The following SS18L1 variants were observed in gnomAD, a reference collection of about 807,000 sequenced individuals.
SS18L1 encodes the protein calcium-responsive transactivator.
SS18L1 carries 32 observed loss-of-function variants against 70.3 expected under a neutral mutation model. That is an observed-to-expected ratio of 0.46 (90% CI 0.34 to 0.61). SS18L1 has a LOEUF of 0.61. Among genes scored for constraint, SS18L1 ranks in the 20% least tolerant of loss-of-function variants. SS18L1 has a pLI of 0.01. For missense variants in SS18L1, 430 were observed against 542.1 expected (o/e 0.79, Z 2.05); for synonymous variants, 237 against 229.7 (o/e 1.03, Z -0.29).
At chr20:62,163,866 A>C (rs2057378029) in intron 6 of SS18L1, among the ~76,000 whole-genome samples, 1 of 152,054 alleles carries the variant, frequency 6.6e-6, no homozygotes, top group Non-Finnish European at 1.5e-5. Context: ...AGTTGTCATT[A>C]AGAGTGTCAC....
At chr20:62,151,955 TCCCCCG>T (rs2057140209) in intron 1 of SS18L1, among the ~76,000 whole-genome samples, 2 of 139,890 alleles carry the variant, frequency 1.4e-5, no homozygotes, top group African/African-American at 2.8e-5. Flanking sequence ...AGAGCTGGCC[TCCCCCG>T]TTCCCCTCTT....
chr20:62,153,431 G>A (rs1456671974), intron 1 of SS18L1, among the ~76,000 whole-genome samples: 2 of 152,036 alleles, frequency 1.3e-5, no homozygotes, highest in Non-Finnish European at 2.9e-5. Flanking sequence ...CTTTGGAATG[G>A]GTTTAGGGCT....
In SS18L1 at chr20:62,182,366, G is replaced by T; in HGVS notation, c.*3158G>T. 1 of 206,422 alleles carries T rather than the reference G, an allele frequency of 4.8e-6. No homozygotes were observed. Among genetic ancestry groups the T allele is most frequent in the East Asian group, 7.4e-5 (1 of 13,546 alleles). The allele number at this position is 206,422 out of a possible 1,614,324, so 12.8% of individuals were successfully genotyped here. ...ACAGGTCAAATTTGTCTTGTTATTTGTGAGTACAGTACATTTAAAAAACAT... is the reference window on the plus strand; with the variant it reads ...ACAGGTCAAATTTGTCTTGTTATTTTTGAGTACAGTACATTTAAAAAACAT... On this transcript the variant is annotated 3_prime_UTR_variant, in exon 11 of 11. Transcript: ENST00000331758.
At position 62,174,927 on chromosome 20, in the gene SS18L1, G is replaced by A. The variant is rs1411477041; in HGVS notation, c.1164+283G>A. 73 of 984,450 alleles carry A rather than the reference G, an allele frequency of 7.4e-5. No homozygotes were observed. The highest frequency in any genetic ancestry group is 8.8e-5 in the Non-Finnish European group (73 of 829,172). The allele number at this position is 984,450 out of a possible 1,614,324, so 61.0% of individuals were successfully genotyped here. On this transcript the variant is annotated intron_variant, in intron 10 of 10. Coordinates refer to ENST00000331758, the MANE Select transcript of SS18L1 (RefSeq NM_198935.3). The surrounding 1 kb of genome is among the most constrained non-coding windows in gnomAD (Gnocchi z 4.1). ...TCTGCCAGTGTTTGTCACGTACTGGGTACGCGTCCGGTCTCTGCTGAGTGC... is the reference window on the plus strand; with the variant it reads ...TCTGCCAGTGTTTGTCACGTACTGGATACGCGTCCGGTCTCTGCTGAGTGC...
chr20:62,164,200 C>T lies in SS18L1; in HGVS notation c.777C>T (p.His259=), dbSNP rs1170449715. 2 of 1,550,106 alleles carry T rather than the reference C, an allele frequency of 1.3e-6. No homozygotes were observed. The highest frequency in any genetic ancestry group is 2.4e-5 in the South Asian group (2 of 84,024). The change falls in exon 7 of 11, where the codon CAC becomes CAT. Residue 259 remains histidine, a synonymous_variant. Coordinates refer to ENST00000331758, the MANE Select transcript of SS18L1 (RefSeq NM_198935.3). The part of the protein sequence containing the change: ...QEEYYGEQYS[H]SQGAAEPMGQ... Reference sequence around the variant, plus strand: ...AGTACTATGGCGAGCAGTACAGCCACAGCCAGGGCGCCGCGGAGCCCATGG... The same window carrying T: ...AGTACTATGGCGAGCAGTACAGCCATAGCCAGGGCGCCGCGGAGCCCATGG...
intron 1 of SS18L1, among the ~76,000 whole-genome samples, chr20:62,147,871 C>T (rs1051975551): frequency 3.3e-5 from 5 of 152,064 alleles, no homozygotes; most frequent in African/African-American, 1.2e-4. Context: ...GGGCAAGGGG[C>T]GCACTTCTGG....
intron 8 of SS18L1, among the ~76,000 whole-genome samples, chr20:62,167,909 A>G (rs552188296): frequency 3.6e-4 from 54 of 148,982 alleles, no homozygotes; most frequent in African/African-American, 1.3e-3. Flanking sequence ...TGGAAATCCC[A>G]GGCTCAAGTG....
In SS18L1 at chr20:62,181,483, GTGTT is replaced by G; in HGVS notation, c.*2277_*2280del. The G allele has an allele frequency of 1.4e-5, 3 of 212,682 alleles. No individual in the cohort carries two copies. Among genetic ancestry groups the G allele is most frequent in the Non-Finnish European group, 2.9e-5 (3 of 105,044 alleles). 13.2% of individuals were successfully genotyped at this position (212,682 alleles called of 1,614,324 possible). ...GAATATGCCTTTTTTGTGTGTTTGT[GTGTT>G]TTTTTAAGTGCTGTATTAATAATAC... On this transcript the variant is annotated 3_prime_UTR_variant, in exon 11 of 11. Coordinates refer to ENST00000331758, the MANE Select transcript of SS18L1 (RefSeq NM_198935.3).
In SS18L1 at chr20:62,164,181, A is replaced by G. The variant is rs1485571211; in HGVS notation, c.758A>G (p.Tyr253Cys). The G allele has an allele frequency of 1.9e-6, 3 of 1,550,032 alleles. No individual in the cohort carries two copies. The highest frequency in any genetic ancestry group is 2.6e-6 in the Non-Finnish European group (3 of 1,146,714). The change falls in exon 7 of 11, where the codon TAT becomes TGT. Residue 253 changes from tyrosine to cysteine, a missense_variant. Tyr to Cys is a radical substitution (Grantham distance 194). Transcript: ENST00000331758. ...CAGTACCTGGGCCAGGAGGAGTACT[A>G]TGGCGAGCAGTACAGCCACAGCCAG... Reference protein sequence around the residue: ...SQQYLGQEEYYGEQYSHSQGA... With the variant: ...SQQYLGQEEYCGEQYSHSQGA...
chr20:62,146,679 G>A (rs1481431826), intron 1 of SS18L1, among the ~76,000 whole-genome samples: 1 of 146,670 alleles, frequency 6.8e-6, no homozygotes, highest in Non-Finnish European at 1.5e-5. Flanking sequence ...GCGCGATCTC[G>A]GGCTCACAAC....
chr20:62,166,324 A>C (rs2057430756), intron 8 of SS18L1, among the ~76,000 whole-genome samples: 1 of 152,254 alleles, frequency 6.6e-6, no homozygotes, highest in African/African-American at 2.4e-5. Flanking sequence ...AGGCCTTCCC[A>C]CTGCAGGGCT....
At chr20:62,154,049 C>G (rs765961687) in intron 1 of SS18L1, among the ~76,000 whole-genome samples, 2 of 152,206 alleles carry the variant, frequency 1.3e-5, no homozygotes, top group Non-Finnish European at 2.9e-5. Flanking sequence ...CCCTTTACTC[C>G]CAAATGCTTG....
Position 62,182,248 on chromosome 20 carries a change from G to A in SS18L1, c.*3040G>A, listed in dbSNP as rs1413597981. ...TCAGGGTTTTTCTACGTGTAGGCGT[G>A]AATAGGGGGCACCCCTTCAAAACTG... is the stretch of plus-strand genomic sequence containing the variant. On this transcript the variant is annotated 3_prime_UTR_variant, in exon 11 of 11. Transcript: ENST00000331758. 1 of 218,088 alleles carries A rather than the reference G, an allele frequency of 4.6e-6. No homozygotes were observed. Among genetic ancestry groups the A allele is most frequent in the Non-Finnish European group, 9.2e-6 (1 of 108,692 alleles). 13.5% of individuals were successfully genotyped at this position (218,088 alleles called of 1,614,324 possible). A position where few individuals can be genotyped will look rare whatever the true frequency, so the allele number is the denominator to read the frequency against.
rs557338754 is a variant in SS18L1, at chr20:62,182,201, G to C, written c.*2993G>C. 4.5e-6 allele frequency: 1 copy of C among 220,962 alleles called. No individual in the cohort carries two copies. The highest frequency in any genetic ancestry group is 1.9e-4 in the South Asian group (1 of 5,404). 13.7% of individuals were successfully genotyped at this position (220,962 alleles called of 1,614,324 possible). A position where few individuals can be genotyped will look rare whatever the true frequency, so the allele number is the denominator to read the frequency against. ...CTTAATACGCTCATATGGTTGGAGT[G>C]TTAAGTGAACCTCTGATTTTGTCAG... is the stretch of plus-strand genomic sequence containing the variant. On this transcript the variant is annotated 3_prime_UTR_variant, in exon 11 of 11. Transcript: ENST00000331758.
At chr20:62,167,815 CTTTT>C (rs371641183) in intron 8 of SS18L1, among the ~76,000 whole-genome samples, 1 of 144,514 alleles carries the variant, frequency 6.9e-6, no homozygotes, top group African/African-American at 2.5e-5. Context: ...GATGTAGCTA[CTTTT>C]TTTTTTTTTT....
intron 1 of SS18L1, among the ~76,000 whole-genome samples, chr20:62,148,994 C>T (rs2057080675): frequency 6.6e-6 from 1 of 152,224 alleles, no homozygotes; most frequent in Admixed American, 6.5e-5. Flanking sequence ...AGGTGGTGCT[C>T]GCTAGCCGGC....
intron 7 of SS18L1, 57 bp from the exon 8 acceptor site, chr20:62,165,364 TC>T: frequency 6.5e-7 from 1 of 1,537,646 alleles, no homozygotes; most frequent in East Asian, 2.4e-5. Context: ...AGTTGCCTCC[TC>T]CGGGACCTGT....
At chr20:62,163,723 G>A (rs1027783845) in intron 6 of SS18L1, 101 bp downstream of exon 6, 58 of 1,414,072 alleles carry the variant, frequency 4.1e-5, no homozygotes, top group Non-Finnish European at 5.1e-5. Flanking sequence ...GGGGAGTGAG[G>A]CGGGGAGCCT....
chr20:62,152,856 G>A (rs1185105799), intron 1 of SS18L1, among the ~76,000 whole-genome samples: 2 of 152,180 alleles, frequency 1.3e-5, no homozygotes, highest in African/African-American at 2.4e-5. Flanking sequence ...CAGAGTGGGG[G>A]CCACAGCTGC....
Sources: allele counts gnomAD v4.1 joint callset (sites outside exome capture counted in the v4.1 genomes callset), GRCh38; gene constraint gnomAD v4.1.1; non-coding constraint Gnocchi (gnomAD v3.1); transcripts MANE v1.5; gene names NCBI Gene and HGNC (gene_info 2026-07-23, HGNC 2026-07-21).